Variants in CDH12 observed in about 807,000 individuals in gnomAD.
CDH12 encodes cadherin-12.
A neutral mutation model predicts 74.1 loss-of-function variants in CDH12; 41 were observed. The ratio of observed to expected loss-of-function variants is 0.55; its 90% CI spans 0.43 to 0.72. The LOEUF (loss-of-function observed/expected upper bound fraction) is 0.72. Ranked by LOEUF, CDH12 falls within the 30% of genes least tolerant of loss-of-function variation. CDH12 has a pLI of 0.00. For synonymous variants in CDH12, 399 were observed against 355.0 expected, an observed-to-expected ratio of 1.12 and a Z score of -1.39; for missense variants, 945 against 977.2, an observed-to-expected ratio of 0.97 and a Z score of 0.44.
chr5:21,882,660 C>T, intron 6 of CDH12: 1 of 1,605,410 alleles, frequency 6.2e-7, no homozygotes, highest in Non-Finnish European at 8.5e-7. Flanking sequence ...CTCACTCGAG[C>T]TTATGCCAAA....
chr5:22,204,723 C>T (rs1262233495), intron 4 of CDH12, among the ~76,000 whole-genome samples: 2 of 152,026 alleles, frequency 1.3e-5, no homozygotes, highest in African/African-American at 4.8e-5. Context: ...AGGAATGCAC[C>T]CAACATATCT....
intron 3 of CDH12, among the ~76,000 whole-genome samples, chr5:22,317,168 AT>A (rs1261368944): frequency 6.6e-6 from 1 of 151,988 alleles, no homozygotes; most frequent in Admixed American, 6.6e-5. Flanking sequence ...AAATACAGAA[AT>A]TATTCAGGTG....
intron 6 of CDH12, among the ~76,000 whole-genome samples, chr5:21,873,033 A>C (rs1751729862): frequency 6.6e-6 from 1 of 152,118 alleles, no homozygotes; most frequent in African/African-American, 2.4e-5. Context: ...GTGTGTGTAT[A>C]AACTAGCAGT....
intron 1 of CDH12, among the ~76,000 whole-genome samples, chr5:22,753,324 C>T (rs1745699035): frequency 6.6e-6 from 1 of 151,274 alleles, no homozygotes; most frequent in East Asian, 2.0e-4. Flanking sequence ...GTAGTCCCAG[C>T]TACTCGGGAG....
At chr5:22,757,285 T>C (rs1363739707) in intron 1 of CDH12, among the ~76,000 whole-genome samples, 1 of 152,210 alleles carries the variant, frequency 6.6e-6, no homozygotes. Context: ...AATGTTTGCG[T>C]TGGTCACATG....
intron 4 of CDH12, among the ~76,000 whole-genome samples, chr5:22,108,190 T>G (rs1744599044): frequency 1.3e-5 from 2 of 152,180 alleles, no homozygotes; most frequent in African/African-American, 2.4e-5. Context: ...TGAATAAGTC[T>G]CATGAGATCT....
At chr5:22,492,801 A>C (rs1157219684) in intron 2 of CDH12, among the ~76,000 whole-genome samples, 1 of 151,950 alleles carries the variant, frequency 6.6e-6, no homozygotes, top group Non-Finnish European at 1.5e-5. Context: ...CCTGTGTGGG[A>C]ATAAGTTTTT....
At chr5:22,003,701 G>A (rs1445515479) in intron 5 of CDH12, among the ~76,000 whole-genome samples, 1 of 151,652 alleles carries the variant, frequency 6.6e-6, no homozygotes, top group Non-Finnish European at 1.5e-5. Context: ...TGGAGAAAAA[G>A]CACACTGGAC....
intron 1 of CDH12, among the ~76,000 whole-genome samples, chr5:22,725,667 G>C (rs1744129832): frequency 6.6e-6 from 1 of 151,178 alleles, no homozygotes; most frequent in African/African-American, 2.4e-5. Flanking sequence ...CATATCCCAA[G>C]GGCCCTACCT....
At chr5:22,560,607 A>AAG (rs1739004018) in intron 1 of CDH12, among the ~76,000 whole-genome samples, 1 of 152,156 alleles carries the variant, frequency 6.6e-6, no homozygotes, top group Non-Finnish European at 1.5e-5. Flanking sequence ...AAATATTTGC[A>AAG]ATATTTAAAA....
intron 2 of CDH12, among the ~76,000 whole-genome samples, chr5:22,467,064 C>T (rs937155979): frequency 6.6e-6 from 1 of 152,028 alleles, no homozygotes; most frequent in South Asian, 2.1e-4. Flanking sequence ...GGATTACAAG[C>T]GTGAGCCACC....
intron 6 of CDH12, among the ~76,000 whole-genome samples, chr5:21,894,056 A>G (rs1254486652): frequency 6.6e-6 from 1 of 152,214 alleles, no homozygotes; most frequent in African/African-American, 2.4e-5. Context: ...TTAAACAATT[A>G]AAGTATAGAA....
intron 2 of CDH12, among the ~76,000 whole-genome samples, chr5:22,418,519 G>A (rs897944087): frequency 6.6e-6 from 1 of 152,134 alleles, no homozygotes; most frequent in African/African-American, 2.4e-5. Flanking sequence ...TCCTTGTCTT[G>A]TGCCGGTTTT....
intron 12 of CDH12, among the ~76,000 whole-genome samples, chr5:21,764,255 TC>T (rs1405117568): frequency 6.6e-6 from 1 of 151,928 alleles, no homozygotes; most frequent in Non-Finnish European, 1.5e-5. Flanking sequence ...GCGCCTATAG[TC>T]CCAGCTACTC....
intron 5 of CDH12, among the ~76,000 whole-genome samples, chr5:22,030,544 A>G (rs1738746711): frequency 6.6e-6 from 1 of 152,218 alleles, no homozygotes; most frequent in Non-Finnish European, 1.5e-5. Flanking sequence ...GCTGTCATCC[A>G]GGGTTTGTTG....
At chr5:22,524,938 C>A (rs1384257007) in intron 1 of CDH12, among the ~76,000 whole-genome samples, 1 of 151,268 alleles carries the variant, frequency 6.6e-6, no homozygotes, top group Non-Finnish European at 1.5e-5. Flanking sequence ...TTAGGTATAT[C>A]TCCTAATGCT....
chr5:22,101,443 T>C (rs1395925407), intron 4 of CDH12, among the ~76,000 whole-genome samples: 1 of 152,174 alleles, frequency 6.6e-6, no homozygotes, highest in African/African-American at 2.4e-5. Context: ...TCCAAAACTT[T>C]CTTAAGATCT....
intron 1 of CDH12, among the ~76,000 whole-genome samples, chr5:22,787,987 A>G (rs1407834178): frequency 6.6e-6 from 1 of 152,220 alleles, no homozygotes; most frequent in African/African-American, 2.4e-5. Flanking sequence ...AAGTTCAGCC[A>G]CACTCAAGGG....
chr5:21,824,795 C>T (rs142294709), intron 8 of CDH12, among the ~76,000 whole-genome samples: 145 of 152,184 alleles, frequency 9.5e-4, no homozygotes, highest in African/African-American at 3.4e-3. Flanking sequence ...TGGCTTTCTC[C>T]AAAGAAATCC....
Sources: gnomAD v4.1 joint callset for allele counts (sites outside exome capture counted in the v4.1 genomes callset) on GRCh38, gnomAD v4.1.1 for gene constraint, MANE v1.5 for transcripts, NCBI Gene and HGNC (gene_info 2026-07-23, HGNC 2026-07-21) for gene names.